Variants in GNG7 observed in about 807,000 individuals in gnomAD.
The protein encoded by GNG7 is G protein subunit gamma 7.
A neutral mutation model predicts 4.0 loss-of-function variants in GNG7; 1 was observed. The observed-to-expected ratio is 0.25, with a 90% CI of 0.09 to 1.18. The LOEUF (loss-of-function observed/expected upper bound fraction) is 1.18. GNG7 is among the 50% of genes most tolerant of loss of function. The probability of loss-of-function intolerance (pLI) is 0.50; values close to 1 mark genes in which losing one functional copy is unlikely to be tolerated. For synonymous variants in GNG7, 34 were observed against 36.9 expected, an observed-to-expected ratio of 0.92 and a Z score of 0.29; for missense variants, 86 against 91.9, an observed-to-expected ratio of 0.94 and a Z score of 0.26.
At chr19:2,684,528 C>T (rs1599461320) in intron 1 of GNG7, among the ~76,000 whole-genome samples, 1 of 152,070 alleles carries the variant, frequency 6.6e-6, no homozygotes, top group South Asian at 2.1e-4. Context: ...CCATACACAC[C>T]CCGGAGTATG....
chr19:2,588,013 C>T (rs187246777), intron 2 of GNG7, among the ~76,000 whole-genome samples: 2 of 152,116 alleles, frequency 1.3e-5, no homozygotes, highest in African/African-American at 4.8e-5. Flanking sequence ...ATTGTTATTG[C>T]AAATTCAAGC....
intron 1 of GNG7, among the ~76,000 whole-genome samples, chr19:2,666,064 C>A (rs757701494): frequency 6.6e-6 from 1 of 152,120 alleles, no homozygotes; most frequent in Non-Finnish European, 1.5e-5. Flanking sequence ...CAGGGTTTCA[C>A]CATGTTGGTC....
In GNG7 at chr19:2,513,578, T is replaced by C; in HGVS notation, c.*1444A>G. 4.1e-6 allele frequency: 4 copies of C among 985,404 alleles called. No homozygotes were observed. The highest frequency in any genetic ancestry group is 4.8e-6 in the Non-Finnish European group (4 of 829,964). The allele number at this position is 985,404 out of a possible 1,614,324, so 61.0% of individuals were successfully genotyped here. On this transcript the variant is annotated 3_prime_UTR_variant, in exon 5 of 5. Transcript: ENST00000382159. ...GCTGGGAGGAGTGGCCCATCCTGCGTCTAAGGCATCTCCCGGCCTCAGACA... is the reference window on the plus strand; with the variant it reads ...GCTGGGAGGAGTGGCCCATCCTGCGCCTAAGGCATCTCCCGGCCTCAGACA...
intron 2 of GNG7, among the ~76,000 whole-genome samples, chr19:2,568,168 CACACACAT>C (rs1433664002): frequency 6.6e-6 from 1 of 151,038 alleles, no homozygotes; most frequent in African/African-American, 2.5e-5. Context: ...CACATACATA[CACACACAT>C]ACACACATGC....
chr19:2,679,883 T>C (rs563147592), intron 1 of GNG7, among the ~76,000 whole-genome samples: 1 of 152,272 alleles, frequency 6.6e-6, no homozygotes, highest in South Asian at 2.1e-4. Context: ...TAGTCCCAGA[T>C]GTGAAGAAAC....
Position 2,513,665 on chromosome 19 carries a change from G to A in GNG7, c.*1357C>T, listed in dbSNP as rs966740386. On this transcript the variant is annotated 3_prime_UTR_variant, in exon 5 of 5. Coordinates refer to ENST00000382159, the MANE Select transcript of GNG7 (RefSeq NM_052847.3). The stretch of plus-strand genomic sequence containing the variant: ...GATCGGGTTCGAGCGACAGGGTAAC[G>A]TTTTGAGCGGACGTTTTGATCTCCG... The A allele has an allele frequency of 5.9e-5, 40 of 674,366 alleles. No individual in the cohort carries two copies. The highest frequency in any genetic ancestry group is 7.6e-4 in the Middle Eastern group (1 of 1,308). The allele number at this position is 674,366 out of a possible 1,614,324, so 41.8% of individuals were successfully genotyped here.
intron 3 of GNG7, among the ~76,000 whole-genome samples, chr19:2,552,419 C>G (rs1035137281): frequency 5.9e-5 from 9 of 151,690 alleles, no homozygotes; most frequent in Non-Finnish European, 1.3e-4. Flanking sequence ...GAGTCTCGCT[C>G]TGTTGCCGAG....
intron 2 of GNG7, among the ~76,000 whole-genome samples, chr19:2,612,152 T>G (rs1356661195): frequency 6.6e-6 from 1 of 152,046 alleles, no homozygotes; most frequent in Non-Finnish European, 1.5e-5. Context: ...GGACTACAGG[T>G]GTGAGCCAGC....
chr19:2,540,777 G>C (rs1978935004), intron 3 of GNG7, among the ~76,000 whole-genome samples: 1 of 152,192 alleles, frequency 6.6e-6, no homozygotes, highest in Admixed American at 6.5e-5. Context: ...TCCTTTTTTA[G>C]GTCTGTGATG....
intron 4 of GNG7, among the ~76,000 whole-genome samples, chr19:2,515,867 C>T (rs1342101540): frequency 2.0e-5 from 3 of 151,828 alleles, no homozygotes; most frequent in African/African-American, 4.8e-5. Context: ...CTGGAATAAA[C>T]GTGATTGGAT....
rs1292395034 is a variant in GNG7, at chr19:2,617,664, C to T, written c.-78+28560G>A. Among the ~76,000 whole-genome samples the T allele has an allele frequency of 2.0e-5, 3 of 152,044 alleles. No individual in the cohort carries two copies. Among genetic ancestry groups the T allele is most frequent in the South Asian group, 2.1e-4 (1 of 4,820 alleles). ...TCCTTAGAGACCTTCCTGGACACCA[C>T]GTGGCACAGACTCTCTCCTCTTGGT... On this transcript the variant is annotated intron_variant, in intron 2 of 4. Transcript: ENST00000382159. The surrounding 1 kb of genome is among the most constrained non-coding windows in gnomAD (Gnocchi z 4.7).
intron 3 of GNG7, among the ~76,000 whole-genome samples, chr19:2,530,471 A>C (rs911260781): frequency 4.4e-4 from 66 of 149,910 alleles, no homozygotes; most frequent in Non-Finnish European, 8.4e-4. Context: ...CTGTAATCCC[A>C]GCACTTTGGG....
At chr19:2,627,172 C>G (rs1982042446) in intron 2 of GNG7, among the ~76,000 whole-genome samples, 2 of 152,034 alleles carry the variant, frequency 1.3e-5, no homozygotes, top group African/African-American at 2.4e-5. Context: ...CCCAGAGGGT[C>G]TCAACCAAGG....
At chr19:2,600,323 C>CATGTCTGG (rs1250091780) in intron 2 of GNG7, among the ~76,000 whole-genome samples, 1 of 151,148 alleles carries the variant, frequency 6.6e-6, no homozygotes, top group Non-Finnish European at 1.5e-5. Context: ...AAATTTCTTT[C>CATGTCTGG]ATGTCTGGCT....
At chr19:2,649,551 G>A (rs11669153) in intron 1 of GNG7, among the ~76,000 whole-genome samples, 14 of 151,792 alleles carry the variant, frequency 9.2e-5, no homozygotes, top group South Asian at 2.1e-4. Flanking sequence ...CACCACCCCC[G>A]GCTAATTTTT....
At chr19:2,587,480 G>A (rs1036730735) in intron 2 of GNG7, among the ~76,000 whole-genome samples, 6 of 152,200 alleles carry the variant, frequency 3.9e-5, no homozygotes, top group Non-Finnish European at 1.5e-5. Context: ...ACCCAAAGGA[G>A]CTGTGAGATC....
At chr19:2,643,866 C>G in intron 2 of GNG7, 2 of 345,326 alleles carry the variant, frequency 5.8e-6, no homozygotes, top group Non-Finnish European at 1.1e-5. Context: ...ATCCCAACCC[C>G]CCAGCCTCCA....
intron 2 of GNG7, among the ~76,000 whole-genome samples, chr19:2,612,673 A>G (rs1981604376): frequency 6.7e-6 from 1 of 149,930 alleles, no homozygotes; most frequent in South Asian, 2.1e-4. Flanking sequence ...ACAATTGTAA[A>G]ATACAGCTTA....
intron 1 of GNG7, among the ~76,000 whole-genome samples, chr19:2,679,204 C>T (rs1568282823): frequency 6.6e-6 from 1 of 151,970 alleles, no homozygotes. Context: ...TGTGCACCAC[C>T]ATATCTGGCT....
Sources: gnomAD v4.1 joint callset for allele counts (sites outside exome capture counted in the v4.1 genomes callset) on GRCh38, gnomAD v4.1.1 for gene constraint, Gnocchi (gnomAD v3.1) non-coding constraint, MANE v1.5 for transcripts, NCBI Gene and HGNC (gene_info 2026-07-23, HGNC 2026-07-21) for gene names.